The following MYH15 variants were observed in gnomAD, a reference collection of about 807,000 sequenced individuals.
MYH15 encodes the protein myosin-15.
In MYH15, 227 loss-of-function variants were observed where a neutral mutation model predicts 240.5. That is an observed-to-expected ratio of 0.94 (90% CI 0.85 to 1.05). The LOEUF (loss-of-function observed/expected upper bound fraction) is 1.05, where lower values mean the gene tolerates loss of function less well. MYH15 is among the 50% of genes least tolerant of loss of function. The pLI is 0.00. For missense variants in MYH15, 2,217 were observed against 2,247.5 expected, an observed-to-expected ratio of 0.99 and a Z score of 0.27; for synonymous variants, 785 against 796.7, an observed-to-expected ratio of 0.99 and a Z score of 0.25.
intron 1 of MYH15, among the ~76,000 whole-genome samples, chr3:108,520,160 G>A (rs1380956834): frequency 6.6e-6 from 1 of 152,110 alleles, no homozygotes; most frequent in Non-Finnish European, 1.5e-5. Flanking sequence ...ATAGTTTTCA[G>A]TATGATAAGT....
intron 1 of MYH15, among the ~76,000 whole-genome samples, chr3:108,517,597 T>G (rs1559675081): frequency 6.6e-6 from 1 of 151,646 alleles, no homozygotes; most frequent in Admixed American, 6.6e-5. Flanking sequence ...CTTCCCAAAG[T>G]GCTGGGATTA....
At position 108,476,491 on chromosome 3, in the gene MYH15, A is replaced by C; in HGVS notation, c.1139T>G (p.Met380Arg). The change falls in exon 12 of 41, where the codon ATG becomes AGG. Residue 380 changes from methionine to arginine, a missense_variant. By Grantham distance (91) the Met-to-Arg change is moderately conservative. Transcript: ENST00000693548. Reference protein sequence around the residue: ...TENADKAAFLMGINSSELVKC... With the variant: ...TENADKAAFLRGINSSELVKC... Reference sequence around the variant, plus strand: ...TACCAACTCAGAGGAGTTAATGCCCATGAGGAAAGCAGCTTTGTCAGCATC... The same window carrying C: ...TACCAACTCAGAGGAGTTAATGCCCCTGAGGAAAGCAGCTTTGTCAGCATC... 6.2e-7 allele frequency: 1 copy of C among 1,612,698 alleles called. No homozygotes were observed.
rs1409365630 is a variant in MYH15 at position 108,437,708 on chromosome 3, A to T, written c.3076-9T>A. 6.2e-7 allele frequency: 1 copy of T among 1,608,228 alleles called. No homozygotes were observed. Among genetic ancestry groups the T allele is most frequent in the Admixed American group, 1.7e-5 (1 of 58,490 alleles). On this transcript the variant is annotated splice_polypyrimidine_tract_variant and intron_variant, in intron 24 of 40. Coordinates refer to ENST00000693548, the MANE Select transcript of MYH15 (RefSeq NM_014981.3). ...TCAAGGGCACCCTCAAGCTGACAAA[A>T]GGAAACATTATTTAGCTAAATAAAT...
chr3:108,451,806 T>C (rs2082976445), intron 21 of MYH15, among the ~76,000 whole-genome samples: 1 of 152,142 alleles, frequency 6.6e-6, no homozygotes, highest in African/African-American at 2.4e-5. Context: ...AAATATTTCT[T>C]AACCAAAGTA....
upstream of MYH15, among the ~76,000 whole-genome samples, chr3:108,531,530 C>A (rs1457847555): frequency 1.3e-5 from 2 of 152,054 alleles, no homozygotes; most frequent in Admixed American, 1.3e-4. Context: ...GAGAATATTT[C>A]TAAAATATTA....
At chr3:108,390,831 A>G (rs1010418771) in intron 37 of MYH15, among the ~76,000 whole-genome samples, 2 of 152,184 alleles carry the variant, frequency 1.3e-5, no homozygotes, top group African/African-American at 4.8e-5. Flanking sequence ...CAAATGATTT[A>G]TATGATTTTC....
At chr3:108,407,063 C>A (rs192657990) in intron 32 of MYH15, among the ~76,000 whole-genome samples, 2 of 152,316 alleles carry the variant, frequency 1.3e-5, no homozygotes, top group Admixed American at 1.3e-4. Flanking sequence ...AGCTGTGCTA[C>A]AGGGCACCAC....
chr3:108,397,015 T>G (rs7636575), intron 35 of MYH15, among the ~76,000 whole-genome samples: 16 of 151,992 alleles, frequency 1.1e-4, no homozygotes, highest in South Asian at 6.2e-4. Context: ...CTGTGGCAAC[T>G]AAAATGATCC....
At chr3:108,386,661 A>G (rs942742546) in intron 38 of MYH15, among the ~76,000 whole-genome samples, 1 of 151,582 alleles carries the variant, frequency 6.6e-6, no homozygotes, top group Non-Finnish European at 1.5e-5. Context: ...TCTCTGCCCC[A>G]TCCTGCTTGC....
chr3:108,411,787 G>C (rs752351017), intron 30 of MYH15, among the ~76,000 whole-genome samples: 16 of 152,136 alleles, frequency 1.1e-4, no homozygotes, highest in Admixed American at 9.8e-4. Context: ...CAGAAAAAAA[G>C]GTTCTCCGGA....
At chr3:108,482,287 G>A (rs1253148724) in intron 11 of MYH15, among the ~76,000 whole-genome samples, 1 of 152,094 alleles carries the variant, frequency 6.6e-6, no homozygotes, top group East Asian at 1.9e-4. Flanking sequence ...TTGAGTTTGA[G>A]ATGGGCACCA....
At chr3:108,430,616 AATTAGCT>A (rs779872447) in intron 26 of MYH15, among the ~76,000 whole-genome samples, 7 of 152,164 alleles carry the variant, frequency 4.6e-5, no homozygotes, top group Non-Finnish European at 7.4e-5. Context: ...ACAGTCAACC[AATTAGCT>A]ATTCATTTTT....
chr3:108,439,754 C>G lies in MYH15; in HGVS notation c.3058G>C (p.Glu1020Gln), dbSNP rs201884560. The G allele has an allele frequency of 1.4e-4, 230 of 1,603,994 alleles. No homozygotes were observed. The highest frequency in any genetic ancestry group is 1.9e-4 in the Non-Finnish European group (224 of 1,175,684). ...SSLSKANLKL[E>Q]QQVDELEGAL... ...TTACTGACCTCATCAACTTGCTGTT[C>G]CAGCTTCAGATTTGCTTTGCTCAGG... The change falls in exon 24 of 41, where the codon GAA becomes CAA. Residue 1020 changes from glutamate to glutamine, a missense_variant. Glu to Gln is a conservative substitution (Grantham distance 29, BLOSUM62 2). Coordinates refer to ENST00000693548, the MANE Select transcript of MYH15 (RefSeq NM_014981.3).
At chr3:108,493,364 T>C (rs900222195) in intron 7 of MYH15, among the ~76,000 whole-genome samples, 187 bp from the exon 8 acceptor site, 1 of 151,620 alleles carries the variant, frequency 6.6e-6, no homozygotes, top group East Asian at 1.9e-4. Context: ...GGGTTTGAGA[T>C]GAGACAGCAC....
At chr3:108,487,783 C>A (rs1300629990) in intron 9 of MYH15, among the ~76,000 whole-genome samples, 1 of 152,126 alleles carries the variant, frequency 6.6e-6, no homozygotes, top group Non-Finnish European at 1.5e-5. Flanking sequence ...ATACTTAAAA[C>A]ACGTGCAGTG....
Position 108,500,140 on chromosome 3 carries a change from G to A in MYH15, c.474C>T (p.Asn158=), listed in dbSNP as rs753189702. The part of the protein sequence containing the change: ...APPHIFAVAN[N]AFQDMLHNRE... ...CACTGTGAAGCATGTCCTGAAAGGC[G>A]TTATTGGCAACAGCAAAGATGTGAG... The change falls in exon 4 of 41, where the codon AAC becomes AAT. Residue 158 remains asparagine (N), a synonymous_variant. Transcript: ENST00000693548. The A allele has an allele frequency of 8.9e-5, 143 of 1,613,714 alleles. 2 individuals carry two copies. The highest frequency in any genetic ancestry group is 2.3e-4 in the Admixed American group (14 of 59,924).
rs147082269 is a variant in MYH15, at chr3:108,394,288, T to C, written c.5134-132A>G. On this transcript the variant is annotated intron_variant, in intron 35 of 40. Coordinates refer to ENST00000693548, the MANE Select transcript of MYH15 (RefSeq NM_014981.3). ...TTTATTATAGTGAGCCATAGTCCCT[T>C]AAGCAGTGCTCCCAATCCCGAAAGG... 1.8e-4 allele frequency: 209 copies of C among 1,132,184 alleles called. 1 individual carries two copies. The African/African-American group carries it at 2.8e-3, about 15-fold the overall frequency. The allele number at this position is 1,132,184 out of a possible 1,614,324, so 70.1% of individuals were successfully genotyped here. A position where few individuals can be genotyped will look rare whatever the true frequency, so the allele number is the denominator to read the frequency against.
rs768865349 is a variant in MYH15 at position 108,408,340 on chromosome 3, C to A, written c.4560G>T (p.Lys1520Asn). ...EGTKNLTEME[K>N]VKKLIEEEKT... ...TCTCTTCTTCAATTAGTTTCTTGAC[C>A]TTTTCCATTTCAGTTAAGTTCTTGG... The change falls in exon 32 of 41, where the codon AAG becomes AAT. Residue 1520 changes from lysine to asparagine, a missense_variant. Physicochemically the swap from Lys to Asn is moderately conservative, Grantham distance 94. Coordinates refer to ENST00000693548, the MANE Select transcript of MYH15 (RefSeq NM_014981.3). The A allele has an allele frequency of 1.2e-6, 2 of 1,613,540 alleles. No individual in the cohort carries two copies. Among genetic ancestry groups the A allele is most frequent in the Non-Finnish European group, 8.5e-7 (1 of 1,179,834 alleles).
chr3:108,399,409 G>A, intron 33 of MYH15, 142 bp from the exon 34 acceptor site: 1 of 718,886 alleles, frequency 1.4e-6, no homozygotes, highest in South Asian at 2.2e-5. Flanking sequence ...ATGAGTCTAA[G>A]TGCTTTTATT....
Sources: gnomAD v4.1 joint callset for allele counts (sites outside exome capture counted in the v4.1 genomes callset) on GRCh38, gnomAD v4.1.1 for gene constraint, MANE v1.5 for transcripts, NCBI Gene and HGNC (gene_info 2026-07-23, HGNC 2026-07-21) for gene names.